The following SAMTOR variants were observed in gnomAD, a reference collection of about 807,000 sequenced individuals.
The protein encoded by SAMTOR is S-adenosylmethionine sensor upstream of mTORC1.
chr7:112,914,276 G>GTTTTTT, the SAMTOR span, among the ~76,000 whole-genome samples: 62 of 130,974 alleles, frequency 4.7e-4, 1 homozygote, highest in Middle Eastern at 4.1e-3. Flanking sequence ...TTAGCCTCTA[G>GTTTTTT]TTTTTTTTTT....
chr7:112,886,898 G>A, the SAMTOR span, among the ~76,000 whole-genome samples: 3 of 152,168 alleles, frequency 2.0e-5, no homozygotes, highest in African/African-American at 7.2e-5. Flanking sequence ...CAGGCACAGC[G>A]GCTCACTCCT....
At chr7:112,922,899 C>T in the SAMTOR span, among the ~76,000 whole-genome samples, 3 of 143,384 alleles carry the variant, frequency 2.1e-5, no homozygotes, top group Admixed American at 6.9e-5. Context: ...GCCCCCCCCC[C>T]CCGGGCCAGC....
the SAMTOR span, among the ~76,000 whole-genome samples, chr7:112,918,492 C>G: frequency 6.6e-6 from 1 of 152,218 alleles, no homozygotes; most frequent in Non-Finnish European, 1.5e-5. Context: ...ACTGCAAAAT[C>G]ATGCCAAATT....
chr7:112,849,872 A>G, the SAMTOR span, among the ~76,000 whole-genome samples: 1,626 of 152,196 alleles, frequency 0.011, 30 homozygotes, highest in African/African-American at 0.037. Flanking sequence ...TTTGTTTTTA[A>G]TTCTTTTTAT....
chr7:112,823,299 TGTGAG>T, the SAMTOR span, among the ~76,000 whole-genome samples: 2 of 152,194 alleles, frequency 1.3e-5, no homozygotes, highest in African/African-American at 4.8e-5. Context: ...TCTGATAAGT[TGTGAG>T]GTATTTTTAC....
At chr7:112,840,551 A>ATT in the SAMTOR span, among the ~76,000 whole-genome samples, 1 of 151,318 alleles carries the variant, frequency 6.6e-6, no homozygotes. Flanking sequence ...TAACCATTTT[A>ATT]TTTTTTTTAT....
the SAMTOR span, among the ~76,000 whole-genome samples, chr7:112,844,898 C>T: frequency 6.6e-6 from 1 of 152,054 alleles, no homozygotes; most frequent in South Asian, 2.1e-4. Flanking sequence ...GGTAGACAGA[C>T]GCATAGACCA....
At chr7:112,889,639 G>A in the SAMTOR span, among the ~76,000 whole-genome samples, 5 of 152,128 alleles carry the variant, frequency 3.3e-5, no homozygotes, top group African/African-American at 1.2e-4. Context: ...TCCCTTCCAC[G>A]ATTCAAGAAA....
At chr7:112,918,328 T>C in the SAMTOR span, among the ~76,000 whole-genome samples, 1 of 152,206 alleles carries the variant, frequency 6.6e-6, no homozygotes, top group African/African-American at 2.4e-5. Context: ...CAACCCAGAA[T>C]TTCATATGCA....
chr7:112,829,947 C>G, the SAMTOR span, among the ~76,000 whole-genome samples: 1 of 152,140 alleles, frequency 6.6e-6, no homozygotes, highest in Non-Finnish European at 1.5e-5. Context: ...TTCTCATATA[C>G]ATGTGTGCTG....
the SAMTOR span, among the ~76,000 whole-genome samples, chr7:112,854,652 T>A: frequency 6.6e-6 from 1 of 152,218 alleles, no homozygotes; most frequent in Non-Finnish European, 1.5e-5. Context: ...CTAATAGCTG[T>A]ATGGTTAAGG....
chr7:112,834,767 T>C, the SAMTOR span, among the ~76,000 whole-genome samples: 7 of 152,112 alleles, frequency 4.6e-5, no homozygotes, highest in African/African-American at 1.7e-4. Context: ...TGATGTACGG[T>C]CAGAAGGTCA....
the SAMTOR span, among the ~76,000 whole-genome samples, chr7:112,845,465 T>C: frequency 6.6e-6 from 1 of 152,000 alleles, no homozygotes; most frequent in Non-Finnish European, 1.5e-5. Flanking sequence ...TACATACACG[T>C]GGCCAACAAG....
chr7:112,889,081 A>G, the SAMTOR span, among the ~76,000 whole-genome samples: 8 of 152,338 alleles, frequency 5.3e-5, no homozygotes, highest in African/African-American at 1.9e-4. Flanking sequence ...AACAATGCCT[A>G]GTAAAAAGAC....
At chr7:112,897,700 T>C in the SAMTOR span, among the ~76,000 whole-genome samples, 1 of 152,282 alleles carries the variant, frequency 6.6e-6, no homozygotes, top group East Asian at 1.9e-4. Flanking sequence ...CGAGTTGGCT[T>C]TGGAGGCCAC....
chr7:112,926,740 C>T, the SAMTOR span, among the ~76,000 whole-genome samples: 2 of 152,036 alleles, frequency 1.3e-5, no homozygotes, highest in Non-Finnish European at 2.9e-5. Flanking sequence ...AGTTAATGAG[C>T]AGGCATTGGT....
At chr7:112,866,550 G>A in the SAMTOR span, among the ~76,000 whole-genome samples, 1 of 152,320 alleles carries the variant, frequency 6.6e-6, no homozygotes, top group Admixed American at 6.5e-5. Context: ...GGAAGGGCGT[G>A]AGTTCTAGTG....
chr7:112,912,263 ATAG>A, the SAMTOR span, among the ~76,000 whole-genome samples: 1 of 152,148 alleles, frequency 6.6e-6, no homozygotes, highest in Admixed American at 6.5e-5. Context: ...TAGTGTGTTT[ATAG>A]TATATATTTC....
the SAMTOR span, among the ~76,000 whole-genome samples, chr7:112,908,592 T>C: frequency 6.6e-6 from 1 of 152,188 alleles, no homozygotes; most frequent in African/African-American, 2.4e-5. Flanking sequence ...AATTCTCATA[T>C]TAAGTAAAAA....
Sources: allele counts gnomAD v4.1 joint callset (sites outside exome capture counted in the v4.1 genomes callset), GRCh38; gene constraint gnomAD v4.1.1; transcripts MANE v1.5; gene names NCBI Gene and HGNC (gene_info 2026-07-23, HGNC 2026-07-21).